The following ACTR1A variants were observed in gnomAD, a reference collection of about 807,000 sequenced individuals.
The protein encoded by ACTR1A is alpha-centractin.
Under a neutral mutation model 50.7 loss-of-function variants are expected in ACTR1A, and 10 were observed. The observed-to-expected ratio is 0.20, with a 90% confidence interval of 0.12 to 0.33. ACTR1A has a LOEUF of 0.33. Ranked by LOEUF, ACTR1A falls within the 10% of genes least tolerant of loss-of-function variation. The pLI, the probability that ACTR1A is intolerant of heterozygous loss-of-function variation, is 1.00. For missense variants in ACTR1A, 253 were observed against 491.7 expected (o/e 0.51, Z 4.59); for synonymous variants, 177 against 184.2 (o/e 0.96, Z 0.32).
chr10:102,501,642 G>A (rs1466564910), intron 1 of ACTR1A, among the ~76,000 whole-genome samples: 1 of 152,230 alleles, frequency 6.6e-6, no homozygotes, highest in Non-Finnish European at 1.5e-5. Flanking sequence ...GACGGATAAA[G>A]TACTGGATTT....
At chr10:102,502,264 G>A (rs1285816882) in intron 1 of ACTR1A, among the ~76,000 whole-genome samples, 2 of 152,056 alleles carry the variant, frequency 1.3e-5, no homozygotes, top group Non-Finnish European at 2.9e-5. Context: ...AAGATGGACA[G>A]CCAGAGCAAC....
chr10:102,481,298 G>A, intron 9 of ACTR1A, 126 bp from the exon 10 acceptor site: 1 of 1,061,044 alleles, frequency 9.4e-7, no homozygotes, highest in Non-Finnish European at 1.3e-6. Context: ...TGGCCTCTCT[G>A]GAGGGCACTG....
chr10:102,490,195 T>C (rs967257048), intron 2 of ACTR1A, among the ~76,000 whole-genome samples: 1 of 136,224 alleles, frequency 7.3e-6, no homozygotes, highest in Admixed American at 8.5e-5. Flanking sequence ...ATCACACCAC[T>C]GCACTCCAGC....
chr10:102,481,108 C>CTT, intron 10 of ACTR1A, 24 bp downstream of exon 10: 1 of 1,606,552 alleles, frequency 6.2e-7, no homozygotes, highest in Non-Finnish European at 8.5e-7. Context: ...CTGTTCTGTT[C>CTT]TTACTCCTGG....
At chr10:102,490,175 G>A (rs1482655852) in intron 2 of ACTR1A, among the ~76,000 whole-genome samples, 3 of 142,796 alleles carry the variant, frequency 2.1e-5, no homozygotes, top group Non-Finnish European at 3.0e-5. Flanking sequence ...AGAGCTTGCA[G>A]TAAGCCAAGA....
intron 1 of ACTR1A, among the ~76,000 whole-genome samples, chr10:102,500,448 A>T (rs2062243652): frequency 6.6e-6 from 1 of 152,174 alleles, no homozygotes; most frequent in African/African-American, 2.4e-5. Flanking sequence ...GGGCGCCTGT[A>T]GTCCCAGCTA....
In ACTR1A at chr10:102,490,632, G is replaced by C. The variant is rs1462836771; in HGVS notation, c.49-19C>G. The C allele has an allele frequency of 2.5e-6, 4 of 1,589,906 alleles. No individual in the cohort carries two copies. The South Asian group carries it at 3.3e-5, about 13-fold the overall frequency. On this transcript the variant is annotated intron_variant, in intron 1 of 10. Transcript: ENST00000369905. ...CGGATCCCTGAGGAAAGAGGAGAGA[G>C]AATGAGGAGTCAGAACTATCACAAA...
intron 1 of ACTR1A, among the ~76,000 whole-genome samples, chr10:102,494,971 C>T (rs1241411960): frequency 6.6e-6 from 1 of 151,914 alleles, no homozygotes; most frequent in Non-Finnish European, 1.5e-5. Flanking sequence ...CCACCACGCC[C>T]GGCTAATTTT....
In ACTR1A at chr10:102,488,320, C is replaced by A; in HGVS notation, c.190-45G>T. On this transcript the variant is annotated intron_variant, in intron 3 of 10. Transcript: ENST00000369905. The surrounding 1 kb of genome is among the most constrained non-coding windows in gnomAD (Gnocchi z 4.4). Reference sequence around the variant, plus strand: ...CTTACGACTGCAGTCAGGCTCCACCCAGGACCCTGTTCTCCCAAGACTAAG... The same window carrying A: ...CTTACGACTGCAGTCAGGCTCCACCAAGGACCCTGTTCTCCCAAGACTAAG... 2 of 1,599,850 alleles carry A rather than the reference C, an allele frequency of 1.3e-6. No individual in the cohort carries two copies. The highest frequency in any genetic ancestry group is 1.7e-6 in the Non-Finnish European group (2 of 1,168,038).
intron 4 of ACTR1A, among the ~76,000 whole-genome samples, chr10:102,486,912 A>G (rs544537629): frequency 2.6e-4 from 40 of 151,192 alleles, no homozygotes; most frequent in Non-Finnish European, 5.5e-4. Flanking sequence ...TCATCATTTC[A>G]AGTAGCTGGG....
chr10:102,489,785 G>A (rs1195897597), intron 2 of ACTR1A, among the ~76,000 whole-genome samples: 1 of 152,202 alleles, frequency 6.6e-6, no homozygotes, highest in Non-Finnish European at 1.5e-5. Flanking sequence ...CTGCACTCCA[G>A]CCTGGGCTAC....
At chr10:102,501,166 G>A (rs1457952399) in intron 1 of ACTR1A, among the ~76,000 whole-genome samples, 1 of 151,820 alleles carries the variant, frequency 6.6e-6, no homozygotes, top group Non-Finnish European at 1.5e-5. Context: ...CCCATGGAGA[G>A]AAGGAAAATT....
At chr10:102,486,472 C>T (rs1056946865) in intron 4 of ACTR1A, among the ~76,000 whole-genome samples, 19 of 152,054 alleles carry the variant, frequency 1.2e-4, no homozygotes, top group African/African-American at 4.3e-4. Flanking sequence ...TGCGGATCAT[C>T]TGAGGTCGGG....
Position 102,502,575 on chromosome 10 carries a change from T to C in ACTR1A, c.48+25A>G, listed in dbSNP as rs770630136. 27 of 1,613,574 alleles carry C rather than the reference T, an allele frequency of 1.7e-5. No homozygotes were observed. The Admixed American group carries it at 4.2e-4, about 25-fold the overall frequency. Reference sequence around the variant, plus strand: ...TCGAGGAGGAGAGCCCAAGTCCCCTTATAGATAGGAAAGACGCAACTCACG... The same window carrying C: ...TCGAGGAGGAGAGCCCAAGTCCCCTCATAGATAGGAAAGACGCAACTCACG... On this transcript the variant is annotated intron_variant, in intron 1 of 10. Coordinates refer to ENST00000369905, the MANE Select transcript of ACTR1A (RefSeq NM_005736.4).
At chr10:102,490,744 AC>A in intron 1 of ACTR1A, 131 bp from the exon 2 acceptor site, 1 of 652,956 alleles carries the variant, frequency 1.5e-6, no homozygotes. Flanking sequence ...TGTAATCCCA[AC>A]ACTTTGGGAG....
In ACTR1A at chr10:102,480,421, C is replaced by T. The variant is rs529212268; in HGVS notation, c.*442G>A. On this transcript the variant is annotated 3_prime_UTR_variant, in exon 11 of 11. Coordinates refer to ENST00000369905, the MANE Select transcript of ACTR1A (RefSeq NM_005736.4). ...TCCTCAGTGTGCAGTCAGGAGGCAT[C>T]GATAGTGGAGGCAGCAGCTGCCTGG... 1.9e-4 allele frequency: 38 copies of T among 203,706 alleles called. No homozygotes were observed. The highest frequency in any genetic ancestry group is 1.6e-3 in the East Asian group (12 of 7,640). The allele number at this position is 203,706 out of a possible 1,614,324, so 12.6% of individuals were successfully genotyped here.
intron 1 of ACTR1A, among the ~76,000 whole-genome samples, chr10:102,497,808 G>T (rs1370155422): frequency 2.0e-5 from 3 of 151,820 alleles, no homozygotes; most frequent in African/African-American, 7.3e-5. Context: ...GAAAGGATAG[G>T]GTTGCCAGGC....
chr10:102,483,460 C>T (rs2062153080), intron 6 of ACTR1A: 1 of 200,570 alleles, frequency 5.0e-6, no homozygotes, highest in Non-Finnish European at 1.0e-5. Context: ...CCTATAGCCA[C>T]AGGTGGCAGG....
At chr10:102,490,774 C>CT (rs2062188351) in intron 1 of ACTR1A, among the ~76,000 whole-genome samples, 161 bp from the exon 2 acceptor site, 1 of 152,160 alleles carries the variant, frequency 6.6e-6, no homozygotes, top group African/African-American at 2.4e-5. Context: ...AGGCGGATCA[C>CT]TTGAGGTCAG....
Sources: allele counts gnomAD v4.1 joint callset (sites outside exome capture counted in the v4.1 genomes callset), GRCh38; gene constraint gnomAD v4.1.1; non-coding constraint Gnocchi (gnomAD v3.1); transcripts MANE v1.5; gene names NCBI Gene and HGNC (gene_info 2026-07-23, HGNC 2026-07-21).